The following TNIK variants were observed in gnomAD, a reference collection of about 807,000 sequenced individuals.
TNIK encodes the protein TRAF2 and NCK interacting kinase, also known as TRAF2 and NCK-interacting protein kinase.
Under a neutral mutation model 191.3 loss-of-function variants are expected in TNIK, and 49 were observed. That is an observed-to-expected ratio of 0.26 (90% confidence interval 0.20 to 0.32). The LOEUF is 0.32. TNIK is among the 10% of genes least tolerant of loss of function. The pLI, the probability that TNIK is intolerant of heterozygous loss-of-function variation, is 1.00. For synonymous variants in TNIK, 594 were observed against 600.9 expected (o/e 0.99, Z 0.17); for missense variants, 1,155 against 1,702.3 (o/e 0.68, Z 5.66).
intron 2 of TNIK, among the ~76,000 whole-genome samples, chr3:171,365,985 C>T (rs9844104): frequency 9.2e-5 from 14 of 152,106 alleles, no homozygotes; most frequent in African/African-American, 3.4e-4. Context: ...TATTTAAAAC[C>T]TGTGGCTAAT....
At chr3:171,363,571 C>A (rs751542861) in intron 2 of TNIK, among the ~76,000 whole-genome samples, 10 of 152,268 alleles carry the variant, frequency 6.6e-5, no homozygotes, top group Non-Finnish European at 1.3e-4. Context: ...CCTTGCCAAA[C>A]AATAAGTGAA....
intron 2 of TNIK, among the ~76,000 whole-genome samples, chr3:171,266,096 G>A (rs1748365136): frequency 6.6e-6 from 1 of 152,086 alleles, no homozygotes; most frequent in African/African-American, 2.4e-5. Flanking sequence ...AGGAAAAAAA[G>A]GAGGGAAAGA....
At chr3:171,069,406 GAC>G (rs1432176931) in intron 29 of TNIK, among the ~76,000 whole-genome samples, 1 of 152,162 alleles carries the variant, frequency 6.6e-6, no homozygotes, top group Non-Finnish European at 1.5e-5. Flanking sequence ...CCCTTTCAGA[GAC>G]AGCCTGGGAG....
chr3:171,378,458 G>A (rs554368847), intron 1 of TNIK, among the ~76,000 whole-genome samples: 12 of 152,268 alleles, frequency 7.9e-5, no homozygotes, highest in African/African-American at 2.6e-4. Context: ...TATATAAAAT[G>A]TGTAAAGCAA....
chr3:171,280,095 A>G (rs183866275), intron 2 of TNIK, among the ~76,000 whole-genome samples: 1 of 152,304 alleles, frequency 6.6e-6, no homozygotes, highest in East Asian at 1.9e-4. Context: ...ATTAGAATCT[A>G]TGTCTCGCAC....
At chr3:171,320,678 G>A (rs1755079086) in intron 2 of TNIK, among the ~76,000 whole-genome samples, 1 of 152,180 alleles carries the variant, frequency 6.6e-6, no homozygotes, top group African/African-American at 2.4e-5. Flanking sequence ...AAACAAACTT[G>A]CTAAATGGTC....
At chr3:171,181,939 T>C (rs1229447269) in intron 7 of TNIK, among the ~76,000 whole-genome samples, 1 of 152,180 alleles carries the variant, frequency 6.6e-6, no homozygotes, top group Non-Finnish European at 1.5e-5. Context: ...TGTTAGGTAA[T>C]CCTGGATTTA....
In TNIK at chr3:171,128,778, G is replaced by A. The variant is rs1360627371; in HGVS notation, c.1709C>T (p.Ser570Phe). The change falls in exon 16 of 33, where the codon TCC (serine) becomes TTC (phenylalanine). Residue 570 changes from serine to phenylalanine, a missense_variant. Ser to Phe is a radical substitution (Grantham distance 155). Coordinates refer to ENST00000436636, the MANE Select transcript of TNIK (RefSeq NM_015028.4). ...AGGCTGAACTCCACTAATGCTGAAG[G>A]ACTCCGACCTTGGGGGCAGGTTGGG... is the stretch of plus-strand genomic sequence containing the variant. ...SDPNLPPRSE[S>F]FSISGVQPAR... 2 of 1,612,562 alleles carry A rather than the reference G, an allele frequency of 1.2e-6. No individual in the cohort carries two copies. Among genetic ancestry groups the A allele is most frequent in the African/African-American group, 1.3e-5 (1 of 74,566 alleles).
chr3:171,097,213 G>GAAC (rs1722844974), intron 22 of TNIK, among the ~76,000 whole-genome samples: 1 of 152,158 alleles, frequency 6.6e-6, no homozygotes, highest in East Asian at 1.9e-4. Flanking sequence ...ACAAATGTAT[G>GAAC]AACAACTTCA....
At chr3:171,133,083 T>G (rs1217956862) in intron 15 of TNIK, among the ~76,000 whole-genome samples, 2 of 152,334 alleles carry the variant, frequency 1.3e-5, no homozygotes, top group East Asian at 1.9e-4. Context: ...TGAGCAAGTT[T>G]GAGGATGCCC....
At chr3:171,415,127 C>A (rs1334751997) in intron 1 of TNIK, among the ~76,000 whole-genome samples, 2 of 152,202 alleles carry the variant, frequency 1.3e-5, no homozygotes, top group African/African-American at 4.8e-5. Context: ...AGTACCTATT[C>A]ATGGGTGGTT....
intron 1 of TNIK, among the ~76,000 whole-genome samples, chr3:171,437,753 T>C (rs959805535): frequency 6.6e-6 from 1 of 152,220 alleles, no homozygotes; most frequent in Non-Finnish European, 1.5e-5. Context: ...CAAGGCCATG[T>C]TTGAACTTCA....
chr3:171,250,935 G>A (rs1746152732), intron 2 of TNIK, among the ~76,000 whole-genome samples: 1 of 152,186 alleles, frequency 6.6e-6, no homozygotes, highest in Non-Finnish European at 1.5e-5. Flanking sequence ...TCAAAATACA[G>A]TGTACATTAT....
intron 1 of TNIK, among the ~76,000 whole-genome samples, chr3:171,426,110 G>C (rs1724532554): frequency 6.6e-6 from 1 of 152,034 alleles, no homozygotes; most frequent in African/African-American, 2.4e-5. Context: ...GCACACATAT[G>C]TTTACTGCAG....
intron 18 of TNIK, among the ~76,000 whole-genome samples, chr3:171,119,419 G>T (rs1164169918): frequency 1.3e-5 from 2 of 152,144 alleles, no homozygotes; most frequent in African/African-American, 4.8e-5. Flanking sequence ...AATACCATTT[G>T]ACCCAGCCAT....
intron 2 of TNIK, among the ~76,000 whole-genome samples, chr3:171,359,131 T>C (rs548665388): frequency 1.2e-4 from 18 of 152,238 alleles, no homozygotes; most frequent in Admixed American, 1.1e-3. Flanking sequence ...GTATGTACGT[T>C]CTACGATAAG....
chr3:171,108,826 G>T (rs1560124636), intron 19 of TNIK, among the ~76,000 whole-genome samples: 1 of 152,190 alleles, frequency 6.6e-6, no homozygotes, highest in African/African-American at 2.4e-5. Context: ...TAGGAGAAGG[G>T]CCCTAGGCTG....
intron 2 of TNIK, among the ~76,000 whole-genome samples, chr3:171,357,687 C>T (rs868110661): frequency 4.6e-5 from 7 of 151,566 alleles, no homozygotes; most frequent in South Asian, 4.2e-4. Flanking sequence ...GGTCAGAGTA[C>T]GGAGAGAAGA....
rs559593348 is a variant in TNIK at position 171,073,417 on chromosome 3, T to C, written c.3449-2094A>G. ...TTAAAGATTTAAATGTACCCAAAAC[T>C]ATAATAAGAAAACCTAGGAAAAACT... On this transcript the variant is annotated intron_variant, in intron 28 of 32. Transcript: ENST00000436636. Among the ~76,000 whole-genome samples, 12 of 152,072 alleles carry C rather than the reference T, an allele frequency of 7.9e-5. No individual in the cohort carries two copies. The South Asian group carries it at 2.5e-3, about 32-fold the overall frequency.
Sources: gnomAD v4.1 joint callset for allele counts (sites outside exome capture counted in the v4.1 genomes callset) on GRCh38, gnomAD v4.1.1 for gene constraint, MANE v1.5 for transcripts, NCBI Gene and HGNC (gene_info 2026-07-23, HGNC 2026-07-21) for gene names.